Variants in MMP16 observed in about 807,000 individuals in gnomAD.
MMP16 encodes matrix metallopeptidase 16, also known as matrix metalloproteinase-16.
In MMP16, 12 loss-of-function variants were observed where a neutral mutation model predicts 67.8. The observed-to-expected ratio is 0.18, with a 90% confidence interval of 0.11 to 0.29. The LOEUF (loss-of-function observed/expected upper bound fraction) is 0.29. Among genes scored for constraint, MMP16 ranks in the 10% least tolerant of loss-of-function variants. MMP16 has a pLI of 1.00. For synonymous variants in MMP16, 249 were observed against 255.9 expected, an observed-to-expected ratio of 0.97 and a Z score of 0.26; for missense variants, 475 against 765.7, an observed-to-expected ratio of 0.62 and a Z score of 4.48.
At chr8:88,237,044 G>A (rs538358520) in intron 1 of MMP16, among the ~76,000 whole-genome samples, 2 of 152,138 alleles carry the variant, frequency 1.3e-5, no homozygotes, top group Admixed American at 6.5e-5. Flanking sequence ...TTAAATCTCC[G>A]CAACTGCTCA....
At chr8:88,297,614 C>A (rs555564821) in intron 1 of MMP16, among the ~76,000 whole-genome samples, 1 of 152,320 alleles carries the variant, frequency 6.6e-6, no homozygotes, top group Admixed American at 6.5e-5. Context: ...GGCTGATTCT[C>A]AGCCAGACTC....
chr8:88,227,509 T>C (rs974856033), intron 1 of MMP16, among the ~76,000 whole-genome samples: 1 of 152,112 alleles, frequency 6.6e-6, no homozygotes, highest in Non-Finnish European at 1.5e-5. Flanking sequence ...AAGATCTATC[T>C]GTCTTGGTTG....
intron 2 of MMP16, among the ~76,000 whole-genome samples, chr8:88,187,446 A>C (rs1251053924): frequency 6.6e-6 from 1 of 152,304 alleles, no homozygotes; most frequent in South Asian, 2.1e-4. Flanking sequence ...AGTGCGTTAT[A>C]AAGTGACTTT....
chr8:88,255,737 A>C (rs929450168), intron 1 of MMP16, among the ~76,000 whole-genome samples: 15 of 152,160 alleles, frequency 9.9e-5, no homozygotes, highest in African/African-American at 3.1e-4. Flanking sequence ...TTAAGGGCTG[A>C]TTGTTAGGGA....
At chr8:88,304,596 C>T (rs113483604) in intron 1 of MMP16, among the ~76,000 whole-genome samples, 87 of 152,310 alleles carry the variant, frequency 5.7e-4, no homozygotes, top group African/African-American at 2.0e-3. Context: ...AACAGCAGGC[C>T]TCTTAGTGGA....
At chr8:88,167,517 T>C (rs1808733712) in intron 4 of MMP16, 152 bp downstream of exon 4, 1 of 702,350 alleles carries the variant, frequency 1.4e-6, no homozygotes, top group Admixed American at 3.2e-5. Flanking sequence ...CAAATTCTTA[T>C]CCTAAAATGC....
chr8:88,071,038 C>G (rs1474291898), intron 7 of MMP16, among the ~76,000 whole-genome samples: 2 of 151,948 alleles, frequency 1.3e-5, no homozygotes, highest in Admixed American at 1.3e-4. Flanking sequence ...ATATAAAGGA[C>G]AAGTTTTATG....
chr8:88,171,477 T>C (rs1437487996), intron 3 of MMP16, among the ~76,000 whole-genome samples: 2 of 152,156 alleles, frequency 1.3e-5, no homozygotes, highest in Non-Finnish European at 2.9e-5. Flanking sequence ...AAACGTGAGC[T>C]GAAAGGAAGG....
chr8:88,231,923 T>A (rs1298381947), intron 1 of MMP16, among the ~76,000 whole-genome samples: 1 of 152,188 alleles, frequency 6.6e-6, no homozygotes, highest in Non-Finnish European at 1.5e-5. Flanking sequence ...CATTATCCTA[T>A]CTAAAATCCA....
intron 8 of MMP16, among the ~76,000 whole-genome samples, chr8:88,055,792 T>C (rs912058107): frequency 6.6e-6 from 1 of 152,180 alleles, no homozygotes; most frequent in Non-Finnish European, 1.5e-5. Flanking sequence ...AGTATTTTTT[T>C]TCTAAACAAA....
intron 1 of MMP16, among the ~76,000 whole-genome samples, chr8:88,297,283 G>A (rs1811027491): frequency 6.6e-6 from 1 of 152,110 alleles, no homozygotes; most frequent in African/African-American, 2.4e-5. Flanking sequence ...AGAGCAGAGT[G>A]CTCTAAGGAA....
chr8:88,123,304 C>A (rs1036576705), intron 4 of MMP16, among the ~76,000 whole-genome samples: 10 of 152,060 alleles, frequency 6.6e-5, no homozygotes, highest in African/African-American at 2.2e-4. Context: ...CCATTCCAAC[C>A]CCCTCTACAA....
intron 1 of MMP16, among the ~76,000 whole-genome samples, chr8:88,283,059 C>T (rs1810766701): frequency 6.6e-6 from 1 of 152,064 alleles, no homozygotes; most frequent in Non-Finnish European, 1.5e-5. Flanking sequence ...CATTACTAAA[C>T]ATCTCATGCA....
chr8:88,165,168 A>C (rs1474124692), intron 4 of MMP16, among the ~76,000 whole-genome samples: 2 of 140,192 alleles, frequency 1.4e-5, no homozygotes, highest in African/African-American at 5.4e-5. Flanking sequence ...AATAGCGAGA[A>C]CCCCATCTCT....
At position 88,039,243 on chromosome 8, in the gene MMP16, A is replaced by AG. The variant is rs1424791376; in HGVS notation, c.*2217dup. ...GCCACACTGGCCATTCAAGTATTTG[A>AG]GGTTTTTTTTTTCCTATAGTTTTTG... On this transcript the variant is annotated 3_prime_UTR_variant, in exon 10 of 10. Coordinates refer to ENST00000286614, the MANE Select transcript of MMP16 (RefSeq NM_005941.5). This position sits in a 1 kb window ranked among gnomAD's most constrained non-coding sequence, Gnocchi z 4.5. 7.0e-6 allele frequency: 1 copy of AG among 142,754 alleles called. No homozygotes were observed. 8.8% of individuals were successfully genotyped at this position (142,754 alleles called of 1,614,324 possible). A position where few individuals can be genotyped will look rare whatever the true frequency, so the allele number is the denominator to read the frequency against.
intron 1 of MMP16, among the ~76,000 whole-genome samples, chr8:88,294,738 G>A (rs1038836488): frequency 2.0e-5 from 3 of 152,020 alleles, no homozygotes; most frequent in African/African-American, 7.2e-5. Flanking sequence ...TTTTTGAGGT[G>A]GAGTCTCGCT....
At chr8:88,098,464 C>A (rs560554713) in intron 6 of MMP16, among the ~76,000 whole-genome samples, 1 of 152,114 alleles carries the variant, frequency 6.6e-6, no homozygotes, top group South Asian at 2.1e-4. Flanking sequence ...GATCCAGTGT[C>A]ATCAGCCCCT....
At chr8:88,101,608 G>A (rs117931636) in intron 6 of MMP16, among the ~76,000 whole-genome samples, 5,580 of 151,848 alleles carry the variant, frequency 0.037, 167 homozygotes, top group Non-Finnish European at 0.056. Flanking sequence ...GGTAAGCACC[G>A]CAGCCCAAAG....
intron 4 of MMP16, among the ~76,000 whole-genome samples, chr8:88,122,862 G>A (rs1461016494): frequency 6.6e-6 from 1 of 151,312 alleles, no homozygotes; most frequent in African/African-American, 2.4e-5. Flanking sequence ...GAGGTCATAC[G>A]ATACATCCAT....
Sources: allele counts gnomAD v4.1 joint callset (sites outside exome capture counted in the v4.1 genomes callset), GRCh38; gene constraint gnomAD v4.1.1; non-coding constraint Gnocchi (gnomAD v3.1); transcripts MANE v1.5; gene names NCBI Gene and HGNC (gene_info 2026-07-23, HGNC 2026-07-21).